The following LUC7L2 variants were observed in gnomAD, a reference collection of about 807,000 sequenced individuals.
LUC7L2 encodes the protein LUC7 like 2, pre-mRNA splicing factor.
In LUC7L2, 25 loss-of-function variants were observed where a neutral mutation model predicts 52.8. The observed-to-expected ratio is 0.47, with a 90% CI of 0.34 to 0.66. The LOEUF (loss-of-function observed/expected upper bound fraction) is 0.66, where lower values mean the gene tolerates loss of function less well. Ranked by LOEUF, LUC7L2 falls within the 30% of genes least tolerant of loss-of-function variation. The probability of loss-of-function intolerance (pLI) is 0.01; values close to 1 mark genes in which losing one functional copy is unlikely to be tolerated. For missense variants in LUC7L2, 328 were observed against 497.8 expected (o/e 0.66, Z 3.25); for synonymous variants, 144 against 160.9 (o/e 0.89, Z 0.80).
chr7:139,365,117 C>T (rs1800088447), intron 1 of LUC7L2, among the ~76,000 whole-genome samples: 2 of 152,312 alleles, frequency 1.3e-5, no homozygotes, highest in South Asian at 4.1e-4. Flanking sequence ...ATATCCAAAA[C>T]ACTGAAAGCA....
intron 9 of LUC7L2, among the ~76,000 whole-genome samples, chr7:139,421,625 C>A (rs1795908131): frequency 6.6e-6 from 1 of 152,122 alleles, no homozygotes; most frequent in Non-Finnish European, 1.5e-5. Flanking sequence ...TTGAGTAGTT[C>A]TCTTATCTAA....
chr7:139,382,142 G>A (rs1801064663), intron 2 of LUC7L2, among the ~76,000 whole-genome samples: 2 of 151,554 alleles, frequency 1.3e-5, no homozygotes, highest in Non-Finnish European at 2.9e-5. Context: ...CGCCTACCTT[G>A]GCCTCCCAAA....
chr7:139,375,730 A>C (rs1585088720), intron 1 of LUC7L2: 1 of 495,456 alleles, frequency 2.0e-6, no homozygotes, highest in African/African-American at 2.1e-5. Context: ...TCGGGGCCTC[A>C]GTTTTCTCAT....
intron 6 of LUC7L2, 138 bp from the exon 7 acceptor site, chr7:139,409,425 C>A: frequency 1.8e-6 from 2 of 1,087,496 alleles, no homozygotes; most frequent in Non-Finnish European, 2.4e-6. Flanking sequence ...TTATTTCTGG[C>A]AGTACTTCAA....
intron 1 of LUC7L2, among the ~76,000 whole-genome samples, chr7:139,349,089 G>T (rs1799367144): frequency 6.6e-6 from 1 of 152,316 alleles, no homozygotes; most frequent in South Asian, 2.1e-4. Flanking sequence ...GGGAGGCGGA[G>T]GTTGCAGTGA....
chr7:139,377,150 A>T (rs1403010813), intron 2 of LUC7L2, among the ~76,000 whole-genome samples: 1 of 152,184 alleles, frequency 6.6e-6, no homozygotes, highest in African/African-American at 2.4e-5. Flanking sequence ...TGAGCACAGG[A>T]ATTTGGAAGG....
rs547391425 is a variant in LUC7L2 at position 139,367,689 on chromosome 7, G to T, written c.61+7367G>T. Among the ~76,000 whole-genome samples, 15 of 152,314 alleles carry T rather than the reference G, an allele frequency of 9.8e-5. No individual in the cohort carries two copies. In the East Asian group the frequency reaches 2.9e-3, roughly 29 times the overall value. ...TTGAACTATATATATACCTAAGCCT[G>T]TAAGCAGAAATGACTGGACAGAAAT... On this transcript the variant is annotated intron_variant, in intron 1 of 9. Coordinates refer to ENST00000354926, the MANE Select transcript of LUC7L2 (RefSeq NM_016019.5).
In LUC7L2 at chr7:139,423,213, G is replaced by T. The variant is rs1795971596; in HGVS notation, c.*873G>T. 5.0e-6 allele frequency: 2 copies of T among 398,950 alleles called. No individual in the cohort carries two copies. The highest frequency in any genetic ancestry group is 8.8e-6 in the Non-Finnish European group (2 of 226,058). The allele number at this position is 398,950 out of a possible 1,614,324, so 24.7% of individuals were successfully genotyped here. ...TTGTCACTAGAACTATTTGCTGTGG[G>T]CATTTCCTCTATTCTGTTACGTCAT... On this transcript the variant is annotated 3_prime_UTR_variant, in exon 10 of 10. Coordinates refer to ENST00000354926, the MANE Select transcript of LUC7L2 (RefSeq NM_016019.5).
In LUC7L2 at chr7:139,402,267, C is replaced by G. The variant is rs1402325961; in HGVS notation, c.366+20C>G. The stretch of plus-strand genomic sequence containing the variant: ...GCAAAGGTAAGAATTTTAATCATTT[C>G]ATTAGTACAAAGTATTATTTCGACT... On this transcript the variant is annotated intron_variant, in intron 4 of 9. Coordinates refer to ENST00000354926, the MANE Select transcript of LUC7L2 (RefSeq NM_016019.5). 1 of 1,568,614 alleles carries G rather than the reference C, an allele frequency of 6.4e-7. No homozygotes were observed. The highest frequency in any genetic ancestry group is 2.0e-5 in the Admixed American group (1 of 49,678).
Position 139,402,587 on chromosome 7 carries a change from T to C in LUC7L2, c.366+340T>C, listed in dbSNP as rs559852683. 5.5e-4 allele frequency among the ~76,000 whole-genome samples: 84 copies of C among 152,308 alleles called. 1 individual carries two copies. Among genetic ancestry groups the C allele is most frequent in the African/African-American group, 2.0e-3 (84 of 41,574 alleles). ...TGTTGCCCAGGCTGGAATGCAGTGG[T>C]GTAATCTTGGCTTGCTGCAATCTCT... On this transcript the variant is annotated intron_variant, in intron 4 of 9. Coordinates refer to ENST00000354926, the MANE Select transcript of LUC7L2 (RefSeq NM_016019.5).
At chr7:139,358,121 CCTCA>C, upstream of LUC7L2, among the ~76,000 whole-genome samples, 1 of 152,160 alleles carries the variant, frequency 6.6e-6, no homozygotes, top group Non-Finnish European at 1.5e-5. Flanking sequence ...GATTCTCCTG[CCTCA>C]GCCTCCGAGT....
At chr7:139,344,604 A>G (rs778477536) in intron 1 of LUC7L2, among the ~76,000 whole-genome samples, 1 of 152,114 alleles carries the variant, frequency 6.6e-6, no homozygotes, top group African/African-American at 2.4e-5. Flanking sequence ...TAATATGAAC[A>G]TAAGCATACT....
At chr7:139,367,605 C>CA (rs1254895808) in intron 1 of LUC7L2, among the ~76,000 whole-genome samples, 1 of 152,134 alleles carries the variant, frequency 6.6e-6, no homozygotes, top group Non-Finnish European at 1.5e-5. Flanking sequence ...ATCTTTTGTG[C>CA]AAATCTCATA....
chr7:139,372,464 A>G (rs1284922021), intron 1 of LUC7L2, among the ~76,000 whole-genome samples: 1 of 151,490 alleles, frequency 6.6e-6, no homozygotes, highest in African/African-American at 2.4e-5. Context: ...TTTTTTTTCT[A>G]CTTTACTTTG....
intron 1 of LUC7L2, among the ~76,000 whole-genome samples, chr7:139,353,500 G>T (rs991503884): frequency 1.9e-4 from 29 of 152,276 alleles, no homozygotes; most frequent in African/African-American, 5.8e-4. Context: ...GACATACAGA[G>T]ATTTTTTTTT....
intron 2 of LUC7L2, among the ~76,000 whole-genome samples, chr7:139,378,883 A>G (rs970922379): frequency 6.6e-6 from 1 of 152,222 alleles, no homozygotes; most frequent in South Asian, 2.1e-4. Context: ...AAGGTTCACA[A>G]CTCAAGTAAT....
At chr7:139,391,842 C>T (rs1043303544) in intron 2 of LUC7L2, among the ~76,000 whole-genome samples, 1 of 152,138 alleles carries the variant, frequency 6.6e-6, no homozygotes, top group African/African-American at 2.4e-5. Flanking sequence ...TTGCCTCAGG[C>T]TCCCATAGTG....
intron 1 of LUC7L2, among the ~76,000 whole-genome samples, chr7:139,352,472 G>A (rs1585064524): frequency 2.0e-5 from 3 of 152,250 alleles, no homozygotes; most frequent in African/African-American, 7.2e-5. Context: ...CATTCACCCG[G>A]GTGACAGAGC....
intron 1 of LUC7L2, chr7:139,341,584 C>T: frequency 6.3e-7 from 1 of 1,581,516 alleles, no homozygotes; most frequent in Non-Finnish European, 8.6e-7. Context: ...CGGGTCTGGG[C>T]TAGGGTGGGG....
Sources: allele counts gnomAD v4.1 joint callset (sites outside exome capture counted in the v4.1 genomes callset), GRCh38; gene constraint gnomAD v4.1.1; transcripts MANE v1.5; gene names NCBI Gene and HGNC (gene_info 2026-07-23, HGNC 2026-07-21).